Variants in WDR59 observed in about 807,000 individuals in gnomAD.
WDR59 encodes the protein WD repeat domain 59, also known as GATOR2 complex protein WDR59.
A neutral mutation model predicts 131.2 loss-of-function variants in WDR59; 100 were observed. The ratio of observed to expected loss-of-function variants is 0.76; its 90% CI spans 0.65 to 0.90. WDR59 has a LOEUF of 0.90. WDR59 is among the 40% of genes least tolerant of loss of function. The pLI is 0.00. For synonymous variants in WDR59, 601 were observed against 466.2 expected (o/e 1.29, Z -3.72); for missense variants, 1,203 against 1,262.2 (o/e 0.95, Z 0.71).
chr16:74,904,155 A>G (rs1965691985), intron 17 of WDR59, 55 bp from the exon 18 acceptor site: 1 of 1,575,422 alleles, frequency 6.3e-7, no homozygotes, highest in African/African-American at 1.3e-5. Context: ...CATATTTCCA[A>G]GTGGTGCTAT....
At chr16:74,915,137 A>ACAGCC (rs1015070042) in intron 13 of WDR59, among the ~76,000 whole-genome samples, 27 of 152,188 alleles carry the variant, frequency 1.8e-4, no homozygotes, top group Non-Finnish European at 2.6e-4. Flanking sequence ...AGAAGATGGC[A>ACAGCC]CAGCCCAGCA....
At chr16:74,915,764 G>C in intron 13 of WDR59, 106 bp downstream of exon 13, 1 of 1,533,784 alleles carries the variant, frequency 6.5e-7, no homozygotes, top group Non-Finnish European at 8.9e-7. Context: ...AGAGAGTTCT[G>C]TTAAAGCTGC....
At chr16:74,950,254 G>A (rs915160189) in intron 4 of WDR59, among the ~76,000 whole-genome samples, 13 of 152,168 alleles carry the variant, frequency 8.5e-5, no homozygotes, top group African/African-American at 2.9e-4. Context: ...TTGAACCTGG[G>A]AGGCAGATGT....
At chr16:74,933,622 G>C (rs1391455209) in intron 8 of WDR59, among the ~76,000 whole-genome samples, 1 of 152,034 alleles carries the variant, frequency 6.6e-6, no homozygotes, top group African/African-American at 2.4e-5. Flanking sequence ...TTTAGCTCTT[G>C]TCGCCCAGGC....
intron 10 of WDR59, among the ~76,000 whole-genome samples, chr16:74,919,110 G>A (rs2144986284): frequency 6.6e-6 from 1 of 152,080 alleles, no homozygotes; most frequent in East Asian, 1.9e-4. Flanking sequence ...CTCGACCTGT[G>A]CCTCCCCCGC....
chr16:74,949,179 A>G (rs1368519333), intron 5 of WDR59, among the ~76,000 whole-genome samples: 1 of 151,740 alleles, frequency 6.6e-6, no homozygotes, highest in African/African-American at 2.4e-5. Context: ...AAAAAAATAA[A>G]AATTAGCTGG....
intron 1 of WDR59, among the ~76,000 whole-genome samples, chr16:74,967,283 G>C (rs1159952298): frequency 1.3e-5 from 2 of 152,204 alleles, no homozygotes; most frequent in Admixed American, 6.5e-5. Context: ...AGCCCAGAAG[G>C]AAAGGCAGGC....
chr16:74,925,543 C>CA (rs35515333), intron 8 of WDR59, among the ~76,000 whole-genome samples: 48,650 of 104,786 alleles, frequency 0.46, 10,961 homozygotes, highest in East Asian at 0.72. Context: ...GACTCCATCT[C>CA]AAAAAAAAAA....
chr16:74,900,154 A>T (rs1965481305), intron 18 of WDR59, among the ~76,000 whole-genome samples: 1 of 152,236 alleles, frequency 6.6e-6, no homozygotes, highest in Non-Finnish European at 1.5e-5. Flanking sequence ...AAGAAGGAGA[A>T]CATATATTGA....
rs755900925 is a variant in WDR59, at chr16:74,874,177, G to A, written c.*32C>T. On this transcript the variant is annotated 3_prime_UTR_variant, in exon 26 of 26. Coordinates refer to ENST00000262144, the MANE Select transcript of WDR59 (RefSeq NM_030581.4). ...TGTCACCGGCACTTATGGGTCCTCT[G>A]GGATTTCAGACAATACCCAACTTCT... is the stretch of plus-strand genomic sequence containing the variant. The A allele has an allele frequency of 1.3e-6, 2 of 1,578,746 alleles. No homozygotes were observed. The highest frequency in any genetic ancestry group is 2.3e-5 in the South Asian group (2 of 88,050).
rs933131132 is a variant in WDR59 at position 74,899,949 on chromosome 16, C to T, written c.1866+3998G>A. ...CAGCGGAATTCGGCTTCCCTCACCTCCCTCCCACCCCATCACACTCCAAAC... is the reference window on the plus strand; with the variant it reads ...CAGCGGAATTCGGCTTCCCTCACCTTCCTCCCACCCCATCACACTCCAAAC... On this transcript the variant is annotated intron_variant, in intron 18 of 25. Coordinates refer to ENST00000262144, the MANE Select transcript of WDR59 (RefSeq NM_030581.4). Among the ~76,000 whole-genome samples, 26 of 152,274 alleles carry T rather than the reference C, an allele frequency of 1.7e-4. 1 individual carries two copies. Among genetic ancestry groups the T allele is most frequent in the African/African-American group, 6.3e-4 (26 of 41,562 alleles).
intron 25 of WDR59, among the ~76,000 whole-genome samples, chr16:74,880,447 C>A (rs1186546338): frequency 1.3e-5 from 2 of 151,408 alleles, no homozygotes; most frequent in African/African-American, 4.9e-5. Flanking sequence ...ACTCTGTCTC[C>A]AAAAATAAAT....
At chr16:74,974,335 T>C (rs2034102834) in intron 1 of WDR59, among the ~76,000 whole-genome samples, 1 of 152,154 alleles carries the variant, frequency 6.6e-6, no homozygotes, top group Admixed American at 6.6e-5. Context: ...AGGAGAGGGC[T>C]ATTTTGTCAG....
chr16:74,876,574 G>A (rs189700238), intron 25 of WDR59, among the ~76,000 whole-genome samples: 3 of 152,260 alleles, frequency 2.0e-5, no homozygotes, highest in African/African-American at 4.8e-5. Context: ...CAGTGAATCG[G>A]ATTAAATATA....
intron 6 of WDR59, 54 bp from the exon 7 acceptor site, chr16:74,942,880 G>A: frequency 6.5e-7 from 1 of 1,538,582 alleles, no homozygotes; most frequent in Non-Finnish European, 9.0e-7. Context: ...TTCGGAAGCA[G>A]AGCAGAGCAC....
chr16:74,901,097 T>A (rs1300861344), intron 18 of WDR59, among the ~76,000 whole-genome samples: 1 of 151,048 alleles, frequency 6.6e-6, no homozygotes, highest in African/African-American at 2.4e-5. Flanking sequence ...AAATGCTGTC[T>A]CAAAACAAAA....
intron 8 of WDR59, among the ~76,000 whole-genome samples, chr16:74,937,469 A>G (rs1192709799): frequency 6.6e-6 from 1 of 152,164 alleles, no homozygotes; most frequent in Non-Finnish European, 1.5e-5. Flanking sequence ...TCTGTCATAC[A>G]TATCTGACTT....
intron 8 of WDR59, among the ~76,000 whole-genome samples, chr16:74,930,283 G>T (rs569750118): frequency 6.6e-6 from 1 of 152,218 alleles, no homozygotes; most frequent in South Asian, 2.1e-4. Flanking sequence ...CTCATTATAT[G>T]CCTGTATCAA....
chr16:74,937,403 G>C (rs1167304687), intron 8 of WDR59, among the ~76,000 whole-genome samples: 6 of 152,218 alleles, frequency 3.9e-5, no homozygotes, highest in Non-Finnish European at 8.8e-5. Context: ...ACCAGGAATA[G>C]ACTAATTGTA....
Sources: allele counts gnomAD v4.1 joint callset (sites outside exome capture counted in the v4.1 genomes callset), GRCh38; gene constraint gnomAD v4.1.1; transcripts MANE v1.5; gene names NCBI Gene and HGNC (gene_info 2026-07-23, HGNC 2026-07-21).